Variants in PHACTR2 observed in about 807,000 individuals in gnomAD.
PHACTR2 encodes chromosome 6 open reading frame 56.
PHACTR2 carries 30 observed loss-of-function variants against 76.0 expected under a neutral mutation model. The observed-to-expected ratio is 0.39, with a 90% CI of 0.30 to 0.54. The LOEUF is 0.54. Ranked by LOEUF, PHACTR2 falls within the 20% of genes least tolerant of loss-of-function variation. The pLI is 0.61. For synonymous variants in PHACTR2, 292 were observed against 292.5 expected (o/e 1.00, Z 0.02); for missense variants, 696 against 781.1 (o/e 0.89, Z 1.30).
chr6:143,758,082 G>A (rs572440191), intron 4 of PHACTR2, among the ~76,000 whole-genome samples: 15 of 152,210 alleles, frequency 9.9e-5, no homozygotes, highest in Admixed American at 9.8e-4. Context: ...AAGGAGCCAG[G>A]AGAAAGTCTG....
At position 143,591,031 on chromosome 6, in the gene PHACTR2, T is replaced by TA. The variant is rs1775684637; in HGVS notation, c.217+53829dup. Among the ~76,000 whole-genome samples the TA allele has an allele frequency of 6.6e-6, 1 of 152,242 alleles. No individual in the cohort carries two copies. Among genetic ancestry groups the TA allele is most frequent in the South Asian group, 2.1e-4 (1 of 4,832 alleles). ...TCGGCCAAGTAGAATTGTACTTGTATAAAAATACAGCATTTCTTATGATAA... is the reference window on the plus strand; with the variant it reads ...TCGGCCAAGTAGAATTGTACTTGTATAAAAAATACAGCATTTCTTATGATAA... On this transcript the variant is annotated intron_variant, in intron 1 of 11. Transcript: ENST00000367584. This position sits in a 1 kb window ranked among gnomAD's most constrained non-coding sequence, Gnocchi z 6.4.
intron 2 of PHACTR2, among the ~76,000 whole-genome samples, chr6:143,726,667 C>T (rs1778578905): frequency 6.6e-6 from 1 of 152,188 alleles, no homozygotes; most frequent in Non-Finnish European, 1.5e-5. Context: ...GACATTTGGG[C>T]TGCATCCATC....
At position 143,549,735 on chromosome 6, in the gene PHACTR2, C is replaced by T. The variant is rs1775062335; in HGVS notation, c.217+12528C>T. ...CTTCTTCTGCACACGCCTACTTTAA[C>T]AGTTGCTCATTGAGCCTTCTTCTAA... On this transcript the variant is annotated intron_variant, in intron 1 of 11. Coordinates refer to the PHACTR2 transcript ENST00000367584. The surrounding 1 kb of genome is among the most constrained non-coding windows in gnomAD (Gnocchi z 4.2). Among the ~76,000 whole-genome samples, 1 of 152,006 alleles carries T rather than the reference C, an allele frequency of 6.6e-6. No individual in the cohort carries two copies. The highest frequency in any genetic ancestry group is 1.5e-5 in the Non-Finnish European group (1 of 67,966).
At chr6:143,778,109 T>A (rs898122303) in intron 9 of PHACTR2, among the ~76,000 whole-genome samples, 1 of 152,226 alleles carries the variant, frequency 6.6e-6, no homozygotes, top group African/African-American at 2.4e-5. Context: ...CGGATATTTT[T>A]AAATTGAGCC....
intron 11 of PHACTR2, among the ~76,000 whole-genome samples, chr6:143,796,216 C>A (rs1292979962): frequency 6.6e-6 from 1 of 152,242 alleles, no homozygotes; most frequent in East Asian, 1.9e-4. Context: ...CACTTGCCTC[C>A]CTGTGGCATT....
chr6:143,634,267 G>A (rs1776414646), intron 1 of PHACTR2, among the ~76,000 whole-genome samples: 1 of 152,090 alleles, frequency 6.6e-6, no homozygotes, highest in South Asian at 2.1e-4. Context: ...GTTCTCTTCT[G>A]GAAAGTTACA....
At chr6:143,634,162 C>A (rs1050103992) in intron 1 of PHACTR2, among the ~76,000 whole-genome samples, 3 of 152,084 alleles carry the variant, frequency 2.0e-5, no homozygotes, top group African/African-American at 7.2e-5. Context: ...ACTTTCAGAA[C>A]AAGATTTCTT....
chr6:143,815,342 A>G (rs944021221), intron 12 of PHACTR2, among the ~76,000 whole-genome samples: 1 of 152,132 alleles, frequency 6.6e-6, no homozygotes, highest in Non-Finnish European at 1.5e-5. Context: ...CCTGAGCCCC[A>G]GAGTTCCAGG....
intron 1 of PHACTR2, among the ~76,000 whole-genome samples, chr6:143,632,478 T>G (rs1364919884): frequency 6.6e-6 from 1 of 152,124 alleles, no homozygotes; most frequent in Non-Finnish European, 1.5e-5. Flanking sequence ...TACAGCAACA[T>G]AAAGAGCAAA....
At chr6:143,785,197 G>T (rs1158020138) in intron 10 of PHACTR2, among the ~76,000 whole-genome samples, 1 of 152,174 alleles carries the variant, frequency 6.6e-6, no homozygotes, top group South Asian at 2.1e-4. Context: ...GATAAAATGC[G>T]GGTACAGGCA....
intron 1 of PHACTR2, among the ~76,000 whole-genome samples, chr6:143,626,572 T>A (rs1169192445): frequency 6.7e-6 from 1 of 148,636 alleles, no homozygotes; most frequent in Non-Finnish European, 1.5e-5. Context: ...ACTGCATTGT[T>A]ATCAGAAGAT....
At chr6:143,629,565 T>C (rs532699372) in intron 1 of PHACTR2, among the ~76,000 whole-genome samples, 1 of 152,214 alleles carries the variant, frequency 6.6e-6, no homozygotes, top group African/African-American at 2.4e-5. Context: ...GTGAGAACTG[T>C]GGGTGTGAGT....
rs189997885 is a variant in PHACTR2 at position 143,721,876 on chromosome 6, G to A, written c.214+9693G>A. Among the ~76,000 whole-genome samples the A allele has an allele frequency of 2.0e-5, 3 of 152,244 alleles. No individual in the cohort carries two copies. In the East Asian group the frequency reaches 5.8e-4, roughly 29 times the overall value. On this transcript the variant is annotated intron_variant, in intron 2 of 12. Transcript: ENST00000440869. The stretch of plus-strand genomic sequence containing the variant: ...TAAACAAGCCTGACCAGTTCCCTGT[G>A]CTCATGGAGTCCACAGGGTGCCTGT...
At chr6:143,649,227 G>A (rs2128445752) in intron 1 of PHACTR2, among the ~76,000 whole-genome samples, 1 of 152,270 alleles carries the variant, frequency 6.6e-6, no homozygotes, top group South Asian at 2.1e-4. Context: ...AAGGGTTAGG[G>A]ATGGAGTGGA....
rs554749314 is a variant in PHACTR2 at position 143,776,092 on chromosome 6, C to T, written c.1590-1236C>T. 7.2e-5 allele frequency among the ~76,000 whole-genome samples: 11 copies of T among 152,100 alleles called. No homozygotes were observed. Among genetic ancestry groups the T allele is most frequent in the Admixed American group, 3.3e-4 (5 of 15,284 alleles). The stretch of plus-strand genomic sequence containing the variant: ...CCGAGATTGTACCACTGCACACCAG[C>T]CTGGGCAACAGAGTGAGACTCCATC... On this transcript the variant is annotated intron_variant, in intron 8 of 12. Transcript: ENST00000440869. The surrounding 1 kb of genome is among the most constrained non-coding windows in gnomAD (Gnocchi z 5.3).
At chr6:143,746,376 T>C (rs974216063) in intron 2 of PHACTR2, among the ~76,000 whole-genome samples, 1 of 152,200 alleles carries the variant, frequency 6.6e-6, no homozygotes, top group Non-Finnish European at 1.5e-5. Context: ...AAGTTTTGTT[T>C]CTTATGAGCA....
intron 1 of PHACTR2, chr6:143,711,123 C>T (rs1778168553): frequency 2.0e-6 from 1 of 502,984 alleles, no homozygotes. Context: ...GAGATAATTT[C>T]CATCACCGCT....
chr6:143,562,995 T>C lies in PHACTR2; in HGVS notation c.217+25788T>C, dbSNP rs1359032283. Among the ~76,000 whole-genome samples, 2 of 152,176 alleles carry C rather than the reference T, an allele frequency of 1.3e-5. No homozygotes were observed. The highest frequency in any genetic ancestry group is 6.5e-5 in the Admixed American group (1 of 15,276). On this transcript the variant is annotated intron_variant, in intron 1 of 11. Transcript: ENST00000367584. The surrounding 1 kb of genome is among the most constrained non-coding windows in gnomAD (Gnocchi z 5.1). ...CTGGAGGAAAGGGGAGAAAAGGAGT[T>C]ATTGTTTAACAGGTTTGGAGTTTCT...
At chr6:143,645,314 A>T (rs2128444966) in intron 1 of PHACTR2, among the ~76,000 whole-genome samples, 1 of 152,022 alleles carries the variant, frequency 6.6e-6, no homozygotes. Context: ...ATATGAATAT[A>T]TATAGATGAT....
Sources: allele counts gnomAD v4.1 joint callset (sites outside exome capture counted in the v4.1 genomes callset), GRCh38; gene constraint gnomAD v4.1.1; non-coding constraint Gnocchi (gnomAD v3.1); transcripts MANE v1.5; gene names NCBI Gene and HGNC (gene_info 2026-07-23, HGNC 2026-07-21).